EXOC4: variants seen among roughly 807,000 people sequenced by gnomAD.
EXOC4 encodes SEC8-like 1.
Under a neutral mutation model 107.2 loss-of-function variants are expected in EXOC4, and 71 were observed. The observed-to-expected ratio is 0.66, with a 90% CI of 0.55 to 0.81. The LOEUF (loss-of-function observed/expected upper bound fraction) is 0.81. EXOC4 is among the 30% of genes least tolerant of loss of function. The probability of loss-of-function intolerance (pLI) is 0.00; values close to 1 mark genes in which losing one functional copy is unlikely to be tolerated. For missense variants in EXOC4, 1,108 were observed against 1,189.6 expected (o/e 0.93, Z 1.01); for synonymous variants, 456 against 441.2 (o/e 1.03, Z -0.42).
the EXOC4 span, among the ~76,000 whole-genome samples, chr7:134,090,664 G>C: frequency 6.6e-6 from 1 of 152,064 alleles, no homozygotes; most frequent in Admixed American, 6.6e-5. Context: ...CATTCAGGCA[G>C]CCACTTGTTG....
At chr7:133,409,517 G>C (rs989234324) in intron 7 of EXOC4, among the ~76,000 whole-genome samples, 2 of 152,114 alleles carry the variant, frequency 1.3e-5, no homozygotes, top group Non-Finnish European at 2.9e-5. Context: ...GAGTTGATTT[G>C]CTTTTGTTTC....
chr7:133,987,894 A>T (rs1486871782), intron 14 of EXOC4, among the ~76,000 whole-genome samples: 1 of 152,208 alleles, frequency 6.6e-6, no homozygotes, highest in African/African-American at 2.4e-5. Flanking sequence ...TGGCAGCTGC[A>T]TCCTTGAAAG....
At chr7:134,063,631 A>G (rs1457513103) in intron 17 of EXOC4, among the ~76,000 whole-genome samples, 1 of 152,186 alleles carries the variant, frequency 6.6e-6, no homozygotes, top group Non-Finnish European at 1.5e-5. Flanking sequence ...TCTGCTTTTC[A>G]GGACCTTTCC....
chr7:133,685,366 T>C (rs946778346), intron 10 of EXOC4, among the ~76,000 whole-genome samples: 1 of 152,182 alleles, frequency 6.6e-6, no homozygotes, highest in African/African-American at 2.4e-5. Flanking sequence ...TTATCCTTCC[T>C]GATGCCTTGT....
chr7:133,303,943 C>A (rs536721353), intron 3 of EXOC4, among the ~76,000 whole-genome samples: 1 of 152,152 alleles, frequency 6.6e-6, no homozygotes, highest in Non-Finnish European at 1.5e-5. Context: ...CCAGGCACTG[C>A]GCTAAGTGTT....
intron 10 of EXOC4, among the ~76,000 whole-genome samples, chr7:133,716,891 G>C (rs1039044223): frequency 5.9e-5 from 9 of 152,050 alleles, no homozygotes; most frequent in African/African-American, 2.2e-4. Context: ...GGTGAGCCCA[G>C]ATCACACCCC....
At chr7:133,717,633 T>C (rs1288211178) in intron 10 of EXOC4, among the ~76,000 whole-genome samples, 1 of 152,186 alleles carries the variant, frequency 6.6e-6, no homozygotes, top group Non-Finnish European at 1.5e-5. Flanking sequence ...ATGTAAATAA[T>C]GAGTAGATGA....
intron 9 of EXOC4, among the ~76,000 whole-genome samples, chr7:133,544,832 T>C (rs975555505): frequency 6.7e-4 from 7 of 10,372 alleles, no homozygotes; most frequent in Non-Finnish European, 2.2e-3. Flanking sequence ...TTTCCTTCCC[T>C]TTTTTTTTTT....
At chr7:134,011,785 T>TAAA (rs58603369) in intron 17 of EXOC4, among the ~76,000 whole-genome samples, 3 of 138,276 alleles carry the variant, frequency 2.2e-5, no homozygotes, top group African/African-American at 7.9e-5. Flanking sequence ...ATGCTGTAGT[T>TAAA]AAAAAAAAAA....
intron 12 of EXOC4, among the ~76,000 whole-genome samples, chr7:133,904,008 G>A (rs1287464165): frequency 1.3e-5 from 2 of 152,168 alleles, no homozygotes; most frequent in Non-Finnish European, 2.9e-5. Flanking sequence ...TAGTAGGGAT[G>A]AAAACTGGAT....
chr7:133,567,920 T>C (rs914671040), intron 9 of EXOC4, among the ~76,000 whole-genome samples: 5 of 152,202 alleles, frequency 3.3e-5, no homozygotes, highest in African/African-American at 1.2e-4. Context: ...ACAATGGCAA[T>C]TAAATTTCAA....
At chr7:133,657,571 T>C (rs1439364841) in intron 10 of EXOC4, among the ~76,000 whole-genome samples, 1 of 152,206 alleles carries the variant, frequency 6.6e-6, no homozygotes, top group Non-Finnish European at 1.5e-5. Flanking sequence ...AGAGTTGTAC[T>C]GTTATGTTAG....
chr7:133,895,504 G>GGT, intron 11 of EXOC4, 95 bp from the exon 12 acceptor site: 1 of 1,279,512 alleles, frequency 7.8e-7, no homozygotes, highest in Non-Finnish European at 1.1e-6. Context: ...GGAGAGCTCA[G>GGT]GTACCTTAAA....
At chr7:133,861,473 C>T (rs1323280131) in intron 11 of EXOC4, among the ~76,000 whole-genome samples, 2 of 152,128 alleles carry the variant, frequency 1.3e-5, no homozygotes, top group East Asian at 3.9e-4. Flanking sequence ...TGGGCACCAC[C>T]CCACAGATTC....
rs563819782 is a variant in EXOC4, at chr7:134,001,484, T to A, written c.2349-3428T>A. Among the ~76,000 whole-genome samples, 750 of 139,984 alleles carry A rather than the reference T, an allele frequency of 5.4e-3. 5 individuals are homozygous for A. Among genetic ancestry groups the A allele is most frequent in the African/African-American group, 0.019 (713 of 37,386 alleles). The allele number at this position is 139,984 out of a possible 152,430, so 91.8% of individuals were successfully genotyped here. On this transcript the variant is annotated intron_variant, in intron 15 of 17. Transcript: ENST00000253861. ...ACTATTTTAATTTCTTTTTTTTTTT[T>A]AATCTCTAATCACTTGGGAAGAAGA...
At chr7:133,884,917 T>C (rs1799048286) in intron 11 of EXOC4, among the ~76,000 whole-genome samples, 1 of 152,262 alleles carries the variant, frequency 6.6e-6, no homozygotes, top group South Asian at 2.1e-4. Flanking sequence ...TGAATTGCCA[T>C]TATAGAAAAT....
intron 17 of EXOC4, among the ~76,000 whole-genome samples, chr7:134,031,645 G>A (rs143933459): frequency 1.3e-5 from 2 of 152,276 alleles, no homozygotes; most frequent in Non-Finnish European, 2.9e-5. Flanking sequence ...GCTGGAAGAA[G>A]ACTTGCTTAT....
chr7:133,464,809 TGG>T (rs375568682), intron 7 of EXOC4, among the ~76,000 whole-genome samples: 1,528 of 73,490 alleles, frequency 0.021, 11 homozygotes, highest in South Asian at 0.028. Context: ...TTGGTTGGGT[TGG>T]TTTTTTTTTT....
Position 133,774,237 on chromosome 7 carries a change from G to A in EXOC4, c.1515-43088G>A, listed in dbSNP as rs566881590. On this transcript the variant is annotated intron_variant, in intron 10 of 17. Coordinates refer to ENST00000253861, the MANE Select transcript of EXOC4 (RefSeq NM_021807.4). ...CTTGTATTATTCTCAGGCATGAGCA[G>A]AGAGTGTATGCAATAGCCAGTTCCA... Among the ~76,000 whole-genome samples the A allele has an allele frequency of 1.1e-4, 17 of 152,212 alleles. 1 individual carries two copies. The East Asian group carries it at 3.1e-3, about 28-fold the overall frequency.
Sources: allele counts gnomAD v4.1 joint callset (sites outside exome capture counted in the v4.1 genomes callset), GRCh38; gene constraint gnomAD v4.1.1; transcripts MANE v1.5; gene names NCBI Gene and HGNC (gene_info 2026-07-23, HGNC 2026-07-21).